SPIN1: variants seen among roughly 807,000 people sequenced by gnomAD.
SPIN1 encodes the protein spindlin 1.
A neutral mutation model predicts 26.0 loss-of-function variants in SPIN1; 3 were observed. That is an observed-to-expected ratio of 0.12 (90% confidence interval 0.05 to 0.30). The LOEUF (loss-of-function observed/expected upper bound fraction) is 0.30. Among genes scored for constraint, SPIN1 ranks in the 10% least tolerant of loss-of-function variants. The pLI is 1.00. For missense variants in SPIN1, 126 were observed against 333.4 expected, an observed-to-expected ratio of 0.38 and a Z score of 4.84; for synonymous variants, 101 against 116.5, an observed-to-expected ratio of 0.87 and a Z score of 0.86.
chr9:88,459,476 G>A (rs1828534596), intron 3 of SPIN1, among the ~76,000 whole-genome samples: 1 of 152,040 alleles, frequency 6.6e-6, no homozygotes, highest in African/African-American at 2.4e-5. Context: ...GTTCCTTACT[G>A]TGAACAATAC....
chr9:88,451,217 C>T (rs1828346125), intron 3 of SPIN1, among the ~76,000 whole-genome samples: 1 of 152,164 alleles, frequency 6.6e-6, no homozygotes, highest in Non-Finnish European at 1.5e-5. Flanking sequence ...CACTGGGGCT[C>T]AATGACGGTG....
intron 1 of SPIN1, among the ~76,000 whole-genome samples, chr9:88,396,038 C>T (rs377220979): frequency 2.0e-5 from 3 of 151,790 alleles, no homozygotes; most frequent in African/African-American, 7.3e-5. Context: ...CAGAGGGAGA[C>T]TCCGTCTCAA....
intron 5 of SPIN1, among the ~76,000 whole-genome samples, chr9:88,473,844 G>A (rs12236735): frequency 2.0e-5 from 3 of 152,076 alleles, no homozygotes; most frequent in African/African-American, 7.2e-5. Context: ...TTTTGTAAAC[G>A]TGCCACAAAA....
At chr9:88,465,178 T>A (rs1432927420) in intron 4 of SPIN1, among the ~76,000 whole-genome samples, 1 of 152,256 alleles carries the variant, frequency 6.6e-6, no homozygotes, top group Non-Finnish European at 1.5e-5. Context: ...TGCTTCTACC[T>A]CTTGGTAGAA....
chr9:88,446,891 C>T (rs1368237273), intron 2 of SPIN1, among the ~76,000 whole-genome samples: 4 of 152,094 alleles, frequency 2.6e-5, no homozygotes, highest in Admixed American at 1.3e-4. Flanking sequence ...TGAAGAAGTG[C>T]CTTGGTGTGG....
At chr9:88,453,615 C>A (rs554116656) in intron 3 of SPIN1, among the ~76,000 whole-genome samples, 5 of 152,218 alleles carry the variant, frequency 3.3e-5, no homozygotes, top group African/African-American at 1.2e-4. Flanking sequence ...CAACCTCCAC[C>A]TCCTGGGTTC....
In SPIN1 at chr9:88,417,853, G is replaced by A. The variant is rs535846288; in HGVS notation, c.-158-8529G>A. On this transcript the variant is annotated intron_variant, in intron 1 of 5. Coordinates refer to ENST00000375859, the MANE Select transcript of SPIN1 (RefSeq NM_006717.3). ...GTGATTCCTCTTTCAAAGAGGTTTT[G>A]TAATTTGCTAGAATCACTCACAGAA... Among the ~76,000 whole-genome samples, 14 of 152,310 alleles carry A rather than the reference G, an allele frequency of 9.2e-5. 1 individual carries two copies. The South Asian group carries it at 2.9e-3, about 32-fold the overall frequency.
intron 1 of SPIN1, among the ~76,000 whole-genome samples, chr9:88,414,761 T>C (rs780684398): frequency 6.6e-6 from 1 of 152,210 alleles, no homozygotes; most frequent in Non-Finnish European, 1.5e-5. Flanking sequence ...TAGAAGGAAG[T>C]GCTGTACTTC....
intron 4 of SPIN1, among the ~76,000 whole-genome samples, chr9:88,465,556 G>A (rs1052311341): frequency 6.6e-6 from 1 of 152,144 alleles, no homozygotes; most frequent in African/African-American, 2.4e-5. Flanking sequence ...GTGATATTGA[G>A]CATCTTTTTA....
chr9:88,438,845 A>G (rs760725424), intron 2 of SPIN1, among the ~76,000 whole-genome samples: 12 of 152,172 alleles, frequency 7.9e-5, no homozygotes, highest in Non-Finnish European at 1.2e-4. Flanking sequence ...ACATGGGGAA[A>G]ATGTGTGATG....
In SPIN1 at chr9:88,477,875, A is replaced by T. The variant is rs1374195196; in HGVS notation, c.*2598A>T. ...CGTGTGTGATGTCAGGCTGCCACGT[A>T]AAACTTCAGAGAAAAATCTTAAAAG... On this transcript the variant is annotated 3_prime_UTR_variant, in exon 6 of 6. Coordinates refer to ENST00000375859, the MANE Select transcript of SPIN1 (RefSeq NM_006717.3). The T allele has an allele frequency of 1.3e-5, 2 of 152,240 alleles. No individual in the cohort carries two copies. The highest frequency in any genetic ancestry group is 2.9e-5 in the Non-Finnish European group (2 of 68,028). 9.4% of individuals were successfully genotyped at this position (152,240 alleles called of 1,614,324 possible).
intron 3 of SPIN1, among the ~76,000 whole-genome samples, chr9:88,453,562 G>A (rs1476271702): frequency 1.3e-5 from 2 of 151,604 alleles, no homozygotes. Context: ...CCGAGATGGA[G>A]TTTTGCTCTT....
chr9:88,389,647 G>A (rs1826877051), intron 1 of SPIN1, among the ~76,000 whole-genome samples: 1 of 151,830 alleles, frequency 6.6e-6, no homozygotes, highest in Admixed American at 6.5e-5. Context: ...TGTCTTAAAG[G>A]ATTTCACTCT....
intron 2 of SPIN1, among the ~76,000 whole-genome samples, chr9:88,433,923 T>G (rs1351223205): frequency 6.6e-6 from 1 of 151,882 alleles, no homozygotes; most frequent in African/African-American, 2.4e-5. Flanking sequence ...CTCATCAACG[T>G]TATAAGGAAA....
intron 1 of SPIN1, among the ~76,000 whole-genome samples, chr9:88,408,913 G>T (rs1352642583): frequency 6.6e-6 from 1 of 150,650 alleles, no homozygotes; most frequent in East Asian, 2.0e-4. Flanking sequence ...CCGCCCGCCT[G>T]GGCCTCCCAA....
At chr9:88,429,264 T>A (rs191430487) in intron 2 of SPIN1, among the ~76,000 whole-genome samples, 1 of 152,250 alleles carries the variant, frequency 6.6e-6, no homozygotes, top group Non-Finnish European at 1.5e-5. Context: ...AATCAAGCAG[T>A]TCTGCAGCAG....
intron 1 of SPIN1, among the ~76,000 whole-genome samples, chr9:88,415,031 G>C (rs975444714): frequency 6.6e-6 from 1 of 152,036 alleles, no homozygotes; most frequent in Non-Finnish European, 1.5e-5. Context: ...AGCCTCCCGA[G>C]TAGCTGAGAC....
At chr9:88,412,043 G>T (rs1313838000) in intron 1 of SPIN1, among the ~76,000 whole-genome samples, 7 of 151,662 alleles carry the variant, frequency 4.6e-5, no homozygotes, top group African/African-American at 1.5e-4. Flanking sequence ...GCTGGGCCTT[G>T]TGGTGGGCGC....
Position 88,477,006 on chromosome 9 carries a change from A to G in SPIN1, c.*1729A>G, listed in dbSNP as rs1387887543. 12 of 152,120 alleles carry G rather than the reference A, an allele frequency of 7.9e-5. No individual in the cohort carries two copies. 9.4% of individuals were successfully genotyped at this position (152,120 alleles called of 1,614,324 possible). On this transcript the variant is annotated 3_prime_UTR_variant, in exon 6 of 6. Transcript: ENST00000375859. ...GATGGTAACGACCACTCACCATGTA[A>G]ACACAGTACCTCAGTTTTCTGTCCA...
Sources: gnomAD v4.1 joint callset for allele counts (sites outside exome capture counted in the v4.1 genomes callset) on GRCh38, gnomAD v4.1.1 for gene constraint, MANE v1.5 for transcripts, NCBI Gene and HGNC (gene_info 2026-07-23, HGNC 2026-07-21) for gene names.